The following PARD3B variants were observed in gnomAD, a reference collection of about 807,000 sequenced individuals.
PARD3B encodes the protein partitioning defective 3 homolog B.
In PARD3B, 103 loss-of-function variants were observed where a neutral mutation model predicts 130.2. That is an observed-to-expected ratio of 0.79 (90% CI 0.67 to 0.93). PARD3B has a LOEUF of 0.93. Among genes scored for constraint, PARD3B ranks in the 40% least tolerant of loss-of-function variants. The probability of loss-of-function intolerance (pLI) is 0.00; values close to 1 mark genes in which losing one functional copy is unlikely to be tolerated. For synonymous variants in PARD3B, 583 were observed against 553.2 expected, an observed-to-expected ratio of 1.05 and a Z score of -0.76; for missense variants, 1,609 against 1,499.2, an observed-to-expected ratio of 1.07 and a Z score of -1.21.
At chr2:204,978,153 G>A (rs1286510226) in intron 3 of PARD3B, among the ~76,000 whole-genome samples, 1 of 152,192 alleles carries the variant, frequency 6.6e-6, no homozygotes, top group African/African-American at 2.4e-5. Flanking sequence ...CAGGGGGCCA[G>A]AACAGGGCAT....
At chr2:204,770,773 T>C (rs547403141) in intron 2 of PARD3B, among the ~76,000 whole-genome samples, 1 of 152,146 alleles carries the variant, frequency 6.6e-6, no homozygotes, top group East Asian at 1.9e-4. Flanking sequence ...CATCCTCTGC[T>C]CACCCTTCTC....
At chr2:205,412,961 G>T (rs1470798720) in intron 19 of PARD3B, among the ~76,000 whole-genome samples, 9 of 152,140 alleles carry the variant, frequency 5.9e-5, no homozygotes, top group Non-Finnish European at 1.2e-4. Flanking sequence ...AATTAAATAA[G>T]ACTCTGAAGT....
chr2:205,098,417 T>C (rs1702537560), intron 4 of PARD3B, among the ~76,000 whole-genome samples: 1 of 152,168 alleles, frequency 6.6e-6, no homozygotes, highest in Non-Finnish European at 1.5e-5. Context: ...AGATACTTAT[T>C]GATAGACAGG....
intron 16 of PARD3B, among the ~76,000 whole-genome samples, chr2:205,285,428 C>G (rs1540369): frequency 0.72 from 108,887 of 152,000 alleles, 39,486 homozygotes; most frequent in South Asian, 0.81. Flanking sequence ...TGCCTATTGT[C>G]CATGTGCATT....
At chr2:204,571,406 C>A (rs1033848536) in intron 1 of PARD3B, among the ~76,000 whole-genome samples, 3 of 152,160 alleles carry the variant, frequency 2.0e-5, no homozygotes, top group African/African-American at 7.2e-5. Flanking sequence ...ATAACTTTTA[C>A]ATGCTGCCAA....
intron 2 of PARD3B, among the ~76,000 whole-genome samples, chr2:204,946,114 C>T (rs139593157): frequency 3.9e-4 from 60 of 152,270 alleles, no homozygotes; most frequent in African/African-American, 1.4e-3. Flanking sequence ...TTTGCTCCTT[C>T]GACTATTTCA....
At position 205,253,717 on chromosome 2, in the gene PARD3B, C is replaced by G. The variant is rs1340989155; in HGVS notation, c.2185+7895C>G. 6.6e-6 allele frequency among the ~76,000 whole-genome samples: 1 copy of G among 152,064 alleles called. No individual in the cohort carries two copies. The highest frequency in any genetic ancestry group is 1.5e-5 in the Non-Finnish European group (1 of 67,992). On this transcript the variant is annotated intron_variant, in intron 16 of 22. Transcript: ENST00000406610. This position sits in a 1 kb window ranked among gnomAD's most constrained non-coding sequence, Gnocchi z 4.4. Reference sequence around the variant, plus strand: ...TGGGAGTAGAAGGAAGAGTGACAGGCTAGCATGAGCTGTGCAGCAGCAAGA... The same window carrying G: ...TGGGAGTAGAAGGAAGAGTGACAGGGTAGCATGAGCTGTGCAGCAGCAAGA...
chr2:204,553,185 T>C (rs2030595810), intron 1 of PARD3B, among the ~76,000 whole-genome samples: 1 of 152,030 alleles, frequency 6.6e-6, no homozygotes, highest in South Asian at 2.1e-4. Flanking sequence ...ATCAGGGAAG[T>C]GCAACTCAAA....
chr2:205,105,385 G>A lies in PARD3B; in HGVS notation c.593+871G>A, dbSNP rs562375929. 2.3e-4 allele frequency among the ~76,000 whole-genome samples: 35 copies of A among 152,186 alleles called. No individual in the cohort carries two copies. Among genetic ancestry groups the A allele is most frequent in the African/African-American group, 8.2e-4 (34 of 41,540 alleles). Reference sequence around the variant, plus strand: ...TTAACGCACTTCAAATTTGGCATAAGGAAAATAATTTCATATTTAATAGAT... The same window carrying A: ...TTAACGCACTTCAAATTTGGCATAAAGAAAATAATTTCATATTTAATAGAT... On this transcript the variant is annotated intron_variant, in intron 5 of 22. Coordinates refer to ENST00000406610, the MANE Select transcript of PARD3B (RefSeq NM_001302769.2). This position sits in a 1 kb window ranked among gnomAD's most constrained non-coding sequence, Gnocchi z 4.0.
chr2:205,503,487 A>G (rs1280547220), intron 21 of PARD3B, among the ~76,000 whole-genome samples: 6 of 152,082 alleles, frequency 3.9e-5, no homozygotes, highest in African/African-American at 1.4e-4. Flanking sequence ...TTGTTTTAAA[A>G]TAAATGAATA....
At chr2:205,477,898 AC>A (rs111708372) in intron 20 of PARD3B, among the ~76,000 whole-genome samples, 20,818 of 152,182 alleles carry the variant, frequency 0.14, 2,632 homozygotes, top group African/African-American at 0.34. Flanking sequence ...ACAAAGGCCA[AC>A]ACTCTACATG....
chr2:205,143,069 A>G (rs1203613460), intron 10 of PARD3B, among the ~76,000 whole-genome samples: 3 of 152,180 alleles, frequency 2.0e-5, no homozygotes, highest in Non-Finnish European at 2.9e-5. Flanking sequence ...TGAGACATAA[A>G]GCATATTTTG....
intron 18 of PARD3B, among the ~76,000 whole-genome samples, chr2:205,386,033 T>G (rs1220432704): frequency 1.3e-5 from 2 of 152,174 alleles, no homozygotes; most frequent in Non-Finnish European, 2.9e-5. Flanking sequence ...CTCTATAAAT[T>G]TAAGTTTCAT....
intron 4 of PARD3B, among the ~76,000 whole-genome samples, chr2:205,051,003 C>A (rs1335624751): frequency 1.3e-5 from 2 of 151,980 alleles, no homozygotes; most frequent in African/African-American, 4.8e-5. Context: ...TACGTGGCAC[C>A]CTGCATATAG....
intron 1 of PARD3B, among the ~76,000 whole-genome samples, chr2:204,615,834 C>G (rs2034092255): frequency 6.6e-6 from 1 of 152,092 alleles, no homozygotes; most frequent in African/African-American, 2.4e-5. Context: ...TGGAATGCAG[C>G]AGAAGTGCTT....
rs539373752 is a variant in PARD3B at position 205,447,955 on chromosome 2, G to A, written c.3044+7283G>A. 1.4e-4 allele frequency among the ~76,000 whole-genome samples: 21 copies of A among 152,286 alleles called. No individual in the cohort carries two copies. In the South Asian group the frequency reaches 4.4e-3, roughly 32 times the overall value. ...ACACAGCATCTAAGCCTCATTAACA[G>A]CCTTTTAGGTATTTAAAGTGACTGC... is the stretch of plus-strand genomic sequence containing the variant. On this transcript the variant is annotated intron_variant, in intron 20 of 22. Transcript: ENST00000406610.
At chr2:205,272,538 A>G (rs1476219206) in intron 16 of PARD3B, among the ~76,000 whole-genome samples, 1 of 152,094 alleles carries the variant, frequency 6.6e-6, no homozygotes, top group African/African-American at 2.4e-5. Context: ...TGGCTTAACT[A>G]AAAAAAGGGT....
rs1326136202 is a variant in PARD3B at position 205,183,758 on chromosome 2, G to GTGTA, written c.1925-2003_1925-2002insATGT. ...TGTGTGTGTGTGTGTGTGTGTGTGTGTGTGTGTGTGTGTGTGAACAGATTT... is the reference window on the plus strand; with the variant it reads ...TGTGTGTGTGTGTGTGTGTGTGTGTGTGTATGTGTGTGTGTGTGTGAACAGATTT... On this transcript the variant is annotated intron_variant, in intron 13 of 22. Transcript: ENST00000406610. The surrounding 1 kb of genome is among the most constrained non-coding windows in gnomAD (Gnocchi z 5.2). 6.6e-5 allele frequency among the ~76,000 whole-genome samples: 10 copies of GTGTA among 151,694 alleles called. No homozygotes were observed. The highest frequency in any genetic ancestry group is 5.9e-4 in the Admixed American group (9 of 15,200).
intron 3 of PARD3B, among the ~76,000 whole-genome samples, chr2:205,040,584 A>T (rs998334788): frequency 3.3e-5 from 5 of 152,148 alleles, no homozygotes; most frequent in African/African-American, 1.2e-4. Context: ...TGAAACCAAG[A>T]TGCAGCCTAT....
Sources: gnomAD v4.1 joint callset for allele counts (sites outside exome capture counted in the v4.1 genomes callset) on GRCh38, gnomAD v4.1.1 for gene constraint, Gnocchi (gnomAD v3.1) non-coding constraint, MANE v1.5 for transcripts, NCBI Gene and HGNC (gene_info 2026-07-23, HGNC 2026-07-21) for gene names.